Variants in ARPC1A observed in about 807,000 individuals in gnomAD.
ARPC1A encodes the protein actin-related protein 2/3 complex subunit 1A.
ARPC1A carries 8 observed loss-of-function variants against 46.9 expected under a neutral mutation model. The ratio of observed to expected loss-of-function variants is 0.17; its 90% CI spans 0.10 to 0.31. The LOEUF is 0.31. ARPC1A is among the 10% of genes least tolerant of loss of function. ARPC1A has a pLI of 1.00. For missense variants in ARPC1A, 286 were observed against 483.6 expected, an observed-to-expected ratio of 0.59 and a Z score of 3.83; for synonymous variants, 152 against 169.0, an observed-to-expected ratio of 0.90 and a Z score of 0.78.
At chr7:99,344,584 C>A in intron 4 of ARPC1A, 69 bp downstream of exon 4, 2 of 1,462,104 alleles carry the variant, frequency 1.4e-6, no homozygotes, top group South Asian at 1.2e-5. Flanking sequence ...TGTGAGGGCT[C>A]ACCATAACTC....
chr7:99,366,227 G>A lies in ARPC1A; in HGVS notation c.*298G>A. The stretch of plus-strand genomic sequence containing the variant: ...ACAGGGTGAGGGAGATATGTAAATT[G>A]TCCACTAGAAAATTAAATAAAAGAA... On this transcript the variant is annotated 3_prime_UTR_variant, in exon 10 of 10. Transcript: ENST00000262942. 3.2e-6 allele frequency: 1 copy of A among 309,248 alleles called. No homozygotes were observed. The highest frequency in any genetic ancestry group is 2.2e-5 in the African/African-American group (1 of 46,400). The allele number at this position is 309,248 out of a possible 1,614,324, so 19.2% of individuals were successfully genotyped here.
At chr7:99,357,650 C>T (rs190513670) in intron 6 of ARPC1A, among the ~76,000 whole-genome samples, 10 of 152,200 alleles carry the variant, frequency 6.6e-5, no homozygotes, top group East Asian at 3.9e-4. Flanking sequence ...TTGAATGCAT[C>T]GTTTCTTGCA....
chr7:99,331,019 A>G (rs1219607843), intron 1 of ARPC1A, among the ~76,000 whole-genome samples: 2 of 152,232 alleles, frequency 1.3e-5, no homozygotes. Flanking sequence ...TTTAAAAAGT[A>G]TTATCACAAA....
At chr7:99,355,551 CCTGGCCA>C (rs1793613853) in intron 6 of ARPC1A, among the ~76,000 whole-genome samples, 2 of 152,148 alleles carry the variant, frequency 1.3e-5, no homozygotes, top group South Asian at 4.2e-4. Context: ...TCGAGAGCAG[CCTGGCCA>C]ACATGGTGAA....
At chr7:99,343,641 A>C (rs1286840523) in intron 3 of ARPC1A, among the ~76,000 whole-genome samples, 1 of 152,196 alleles carries the variant, frequency 6.6e-6, no homozygotes, top group East Asian at 1.9e-4. Context: ...GTCTCATCAA[A>C]TAAGAAAAAT....
chr7:99,359,901 C>T, intron 8 of ARPC1A, 163 bp downstream of exon 8: 1 of 827,026 alleles, frequency 1.2e-6, no homozygotes, highest in Non-Finnish European at 1.9e-6. Flanking sequence ...GCCAGGCTCT[C>T]ATTTCCAGCT....
chr7:99,352,658 A>G (rs1463433125), intron 5 of ARPC1A, among the ~76,000 whole-genome samples: 1 of 149,828 alleles, frequency 6.7e-6, no homozygotes, highest in African/African-American at 2.5e-5. Flanking sequence ...CGTCTCTTAA[A>G]AAAAAAAAAA....
intron 8 of ARPC1A, among the ~76,000 whole-genome samples, chr7:99,363,148 A>C (rs1435267795): frequency 6.6e-6 from 1 of 152,166 alleles, no homozygotes; most frequent in Non-Finnish European, 1.5e-5. Context: ...ACGCTAACCA[A>C]GGCAAGTTCT....
intron 7 of ARPC1A, among the ~76,000 whole-genome samples, chr7:99,359,156 TG>T (rs998681233): frequency 7.2e-6 from 1 of 139,782 alleles, no homozygotes; most frequent in Admixed American, 7.1e-5. Flanking sequence ...TAAGAGGGGG[TG>T]GGGCACGATG....
intron 6 of ARPC1A, among the ~76,000 whole-genome samples, chr7:99,355,136 G>A (rs1392223323): frequency 6.7e-6 from 1 of 148,918 alleles, no homozygotes; most frequent in Non-Finnish European, 1.5e-5. Flanking sequence ...AAAAAAATCA[G>A]CCCGGCATAG....
chr7:99,344,699 T>A (rs1793412499), intron 4 of ARPC1A, among the ~76,000 whole-genome samples, 184 bp downstream of exon 4: 1 of 152,068 alleles, frequency 6.6e-6, no homozygotes, highest in Admixed American at 6.6e-5. Context: ...GCACGTTTTT[T>A]ATATTAACAT....
At chr7:99,354,175 C>A in intron 6 of ARPC1A, 54 bp downstream of exon 6, 1 of 1,573,814 alleles carries the variant, frequency 6.4e-7, no homozygotes, top group South Asian at 1.2e-5. Flanking sequence ...GGATCTCTCA[C>A]CAGCTGAACC....
chr7:99,362,716 C>G (rs1039443057), intron 8 of ARPC1A, among the ~76,000 whole-genome samples: 2 of 151,976 alleles, frequency 1.3e-5, no homozygotes, highest in East Asian at 3.9e-4. Context: ...TTTGCCATCC[C>G]CTTCCCAGCG....
At chr7:99,330,475 C>T (rs1793127834) in intron 1 of ARPC1A, among the ~76,000 whole-genome samples, 2 of 152,070 alleles carry the variant, frequency 1.3e-5, no homozygotes, top group Admixed American at 1.3e-4. Context: ...CCACCATGCC[C>T]GTCTGATTTT....
intron 3 of ARPC1A, among the ~76,000 whole-genome samples, chr7:99,339,144 A>G (rs1270177354): frequency 6.6e-6 from 1 of 152,180 alleles, no homozygotes; most frequent in Non-Finnish European, 1.5e-5. Context: ...TGATGATGGT[A>G]AAGTCACCTC....
At chr7:99,347,514 G>A (rs1251700192) in intron 4 of ARPC1A, among the ~76,000 whole-genome samples, 1 of 151,924 alleles carries the variant, frequency 6.6e-6, no homozygotes, top group Non-Finnish European at 1.5e-5. Flanking sequence ...AGACCAGCCT[G>A]GCCAACATGG....
intron 6 of ARPC1A, among the ~76,000 whole-genome samples, 179 bp downstream of exon 6, chr7:99,354,300 A>C (rs1388548069): frequency 1.3e-5 from 2 of 151,920 alleles, no homozygotes; most frequent in Admixed American, 6.6e-5. Flanking sequence ...AGGTGGGTGG[A>C]TCACAAGGTC....
At position 99,359,583 on chromosome 7, in the gene ARPC1A, C is replaced by G; in HGVS notation, c.828C>G (p.Asp276Glu). ...DCCPMLFNYD[D>E]RGCLTFVSKL... ...GCCCAATGCTCTTTAACTACGATGA[C>G]CGCGGCTGCCTGACCTTCGTCTCCA... The change falls in exon 8 of 10, where the codon GAC becomes GAG. Residue 276 changes from aspartate to glutamate, a missense_variant. By Grantham distance (45) the Asp-to-Glu change is conservative. Transcript: ENST00000262942. 6.2e-7 allele frequency: 1 copy of G among 1,614,154 alleles called. No homozygotes were observed. The highest frequency in any genetic ancestry group is 8.5e-7 in the Non-Finnish European group (1 of 1,180,042).
intron 5 of ARPC1A, 71 bp downstream of exon 5, chr7:99,349,030 T>C: frequency 4.2e-6 from 6 of 1,440,104 alleles, no homozygotes; most frequent in Non-Finnish European, 5.8e-6. Context: ...TTTTAGGTTC[T>C]CTTTCTTTGT....
Sources: allele counts gnomAD v4.1 joint callset (sites outside exome capture counted in the v4.1 genomes callset), GRCh38; gene constraint gnomAD v4.1.1; transcripts MANE v1.5; gene names NCBI Gene and HGNC (gene_info 2026-07-23, HGNC 2026-07-21).